RS1: variants seen among roughly 807,000 people sequenced by gnomAD.
RS1 encodes the protein retinoschisin.
A neutral mutation model predicts 20.8 loss-of-function variants in RS1; 2 were observed. The ratio of observed to expected loss-of-function variants is 0.10; its 90% CI spans 0.04 to 0.30. RS1 has a LOEUF of 0.30. Ranked by LOEUF, RS1 falls within the 10% of genes least tolerant of loss-of-function variation. The probability of loss-of-function intolerance (pLI) is 1.00; values close to 1 mark genes in which losing one functional copy is unlikely to be tolerated. For synonymous variants in RS1, 70 were observed against 75.8 expected (o/e 0.92, Z 0.40); for missense variants, 151 against 189.8 (o/e 0.80, Z 1.20).
chrX:18,643,334 C>A (rs965830364), intron 5 of RS1, among the ~76,000 whole-genome samples: 1 of 111,450 alleles, frequency 9.0e-6, no homozygotes, highest in Non-Finnish European at 1.9e-5. Flanking sequence ...AGGGCCTGGT[C>A]TGCCATGTTC....
intron 1 of RS1, among the ~76,000 whole-genome samples, chrX:18,669,754 T>G (rs1239644923): frequency 8.9e-6 from 1 of 111,780 alleles, no homozygotes; most frequent in African/African-American, 3.3e-5. Flanking sequence ...GCTGATTAAG[T>G]TCAGTGATTG....
chrX:18,652,402 C>T (rs1452913790), intron 3 of RS1, among the ~76,000 whole-genome samples: 2 of 112,465 alleles, frequency 1.8e-5, no homozygotes, highest in Non-Finnish European at 3.8e-5. Flanking sequence ...GGTGCAGTGG[C>T]TCACGCCTGT....
At chrX:18,659,994 C>T (rs1928283556) in intron 1 of RS1, among the ~76,000 whole-genome samples, 2 of 111,657 alleles carry the variant, frequency 1.8e-5, no homozygotes, top group South Asian at 3.7e-4. Context: ...ATGCTTTTCT[C>T]ATTTATTACC....
intron 1 of RS1, among the ~76,000 whole-genome samples, chrX:18,662,605 T>A (rs1205483138): frequency 9.1e-6 from 1 of 109,577 alleles, no homozygotes; most frequent in Non-Finnish European, 1.9e-5. Flanking sequence ...TCCAGCTTCA[T>A]CCATGTCCCT....
intron 3 of RS1, among the ~76,000 whole-genome samples, chrX:18,656,287 C>T (rs183873660): frequency 4.5e-5 from 5 of 111,891 alleles, no homozygotes; most frequent in Admixed American, 1.9e-4. Flanking sequence ...CCACTGTGCC[C>T]GTCCTCCCAT....
In RS1 at chrX:18,660,663, T is replaced by C. The variant is rs929721271; in HGVS notation, c.53-2998A>G. 4.4e-5 allele frequency among the ~76,000 whole-genome samples: 5 copies of C among 112,890 alleles called. No homozygotes were observed. In the South Asian group the frequency reaches 1.8e-3, roughly 41 times the overall value. On this transcript the variant is annotated intron_variant, in intron 1 of 5. Coordinates refer to ENST00000379984, the MANE Select transcript of RS1 (RefSeq NM_000330.4). ...GAATCTGATGCTCACAAAAAGCTTT[T>C]AGAAACCACACAAAGCCTTTATCAT...
chrX:18,656,279 A>C (rs1013499578), intron 3 of RS1, among the ~76,000 whole-genome samples: 1 of 111,925 alleles, frequency 8.9e-6, no homozygotes, highest in Non-Finnish European at 1.9e-5. Flanking sequence ...GGCGTGGGCC[A>C]CTGTGCCCGT....
chrX:18,646,742 C>T (rs887408779), intron 4 of RS1, among the ~76,000 whole-genome samples: 9 of 111,039 alleles, frequency 8.1e-5, no homozygotes, highest in Non-Finnish European at 1.7e-4. Context: ...AGGGCTTTTG[C>T]ACCTGCTGTA....
intron 3 of RS1, among the ~76,000 whole-genome samples, chrX:18,648,611 C>A (rs1414780690): frequency 9.0e-6 from 1 of 111,683 alleles, no homozygotes; most frequent in African/African-American, 3.3e-5. Flanking sequence ...GAATAAAGGG[C>A]CTTTCCCAGC....
At chrX:18,651,220 AGTGTGTGTGTGTGT>A (rs3838188) in intron 3 of RS1, among the ~76,000 whole-genome samples, 2 of 65,190 alleles carry the variant, frequency 3.1e-5, no homozygotes, top group African/African-American at 6.3e-5. Context: ...GGCAGGAGCA[AGTGTGTGTGTGTGT>A]GTGTGTGTGT....
intron 4 of RS1, among the ~76,000 whole-genome samples, chrX:18,646,739 T>C (rs2147193366): frequency 9.0e-6 from 1 of 110,976 alleles, no homozygotes; most frequent in East Asian, 2.9e-4. Flanking sequence ...CTCAGGGCTT[T>C]TGCACCTGCT....
At chrX:18,663,490 C>T (rs1002035500) in intron 1 of RS1, among the ~76,000 whole-genome samples, 27 of 108,765 alleles carry the variant, frequency 2.5e-4, no homozygotes, top group Admixed American at 1.5e-3. Flanking sequence ...ACTACAAGCC[C>T]GTGCCACCAC....
chrX:18,670,027 G>C (rs754726887), intron 1 of RS1, among the ~76,000 whole-genome samples: 1 of 111,787 alleles, frequency 8.9e-6, no homozygotes, highest in South Asian at 3.7e-4. Context: ...TTTAGAACAC[G>C]AAAGAGTGCT....
chrX:18,664,001 A>G (rs1295130400), intron 1 of RS1, among the ~76,000 whole-genome samples: 1 of 111,651 alleles, frequency 9.0e-6, no homozygotes, highest in South Asian at 3.7e-4. Flanking sequence ...CTATTTGGCA[A>G]TTTATACAAA....
intron 2 of RS1, 32 bp from the exon 3 acceptor site, chrX:18,656,790 G>T: frequency 8.8e-7 from 1 of 1,141,487 alleles, no homozygotes; most frequent in Non-Finnish European, 1.2e-6. Context: ...GGGCAGAAAA[G>T]TCACGGTCAA....
chrX:18,672,077 C>T lies in RS1; in HGVS notation c.-9G>A, dbSNP rs376367416. ...TCTATCTTGCGTGACATCTTCCCCT[C>T]GTCCTCGGCCAAAGCTCTACCTTAC... On this transcript the variant is annotated 5_prime_UTR_variant, in exon 1 of 6. Transcript: ENST00000379984. 5.1e-5 allele frequency: 62 copies of T among 1,205,817 alleles called. No homozygotes were observed. The African/African-American group carries it at 6.5e-4, about 13-fold the overall frequency.
At chrX:18,659,937 A>G (rs922422983) in intron 1 of RS1, among the ~76,000 whole-genome samples, 8 of 111,831 alleles carry the variant, frequency 7.2e-5, no homozygotes, top group Middle Eastern at 4.6e-3. Context: ...GAGGGAAGGA[A>G]TATCACACAG....
At chrX:18,654,219 A>G (rs1474179346) in intron 3 of RS1, among the ~76,000 whole-genome samples, 1 of 102,029 alleles carries the variant, frequency 9.8e-6, no homozygotes, top group Non-Finnish European at 2.0e-5. Context: ...CAGTGATACG[A>G]CTATGGCTCA....
chrX:18,647,425 C>T (rs757561051), intron 3 of RS1, 93 bp from the exon 4 acceptor site: 21 of 989,147 alleles, frequency 2.1e-5, no homozygotes, highest in East Asian at 9.3e-5. Context: ...ATCTGCTTTG[C>T]GCTTCGGAGA....
Sources: gnomAD v4.1 joint callset for allele counts (sites outside exome capture counted in the v4.1 genomes callset) on GRCh38, gnomAD v4.1.1 for gene constraint, MANE v1.5 for transcripts, NCBI Gene and HGNC (gene_info 2026-07-23, HGNC 2026-07-21) for gene names.